The following SIPA1L2 variants were observed in gnomAD, a reference collection of about 807,000 sequenced individuals.
SIPA1L2 encodes signal-induced proliferation-associated 1-like protein 2.
In SIPA1L2, 56 loss-of-function variants were observed where a neutral mutation model predicts 163.9. The observed-to-expected ratio is 0.34, with a 90% CI of 0.28 to 0.43. The LOEUF is 0.43. Ranked by LOEUF, SIPA1L2 falls within the 20% of genes least tolerant of loss-of-function variation. SIPA1L2 has a pLI of 1.00. For synonymous variants in SIPA1L2, 877 were observed against 865.7 expected, an observed-to-expected ratio of 1.01 and a Z score of -0.23; for missense variants, 1,974 against 2,193.5, an observed-to-expected ratio of 0.90 and a Z score of 2.00.
At chr1:232,475,977 ACT>A (rs2102957849) in intron 7 of SIPA1L2, among the ~76,000 whole-genome samples, 1 of 152,272 alleles carries the variant, frequency 6.6e-6, no homozygotes, top group South Asian at 2.1e-4. Context: ...GAATAAAGCT[ACT>A]CATGGAAAGC....
At chr1:232,534,605 C>A (rs1657193125) in intron 2 of SIPA1L2, among the ~76,000 whole-genome samples, 1 of 152,186 alleles carries the variant, frequency 6.6e-6, no homozygotes, top group African/African-American at 2.4e-5. Flanking sequence ...AGTGAAAAGG[C>A]AGCCCATGGA....
chr1:232,535,077 T>G (rs932581697), intron 2 of SIPA1L2, among the ~76,000 whole-genome samples: 3 of 152,208 alleles, frequency 2.0e-5, no homozygotes, highest in Non-Finnish European at 2.9e-5. Flanking sequence ...CCTACAGTAA[T>G]GTACAAGATA....
chr1:232,614,187 G>GT (rs1260121718), intron 1 of SIPA1L2, among the ~76,000 whole-genome samples: 4 of 151,198 alleles, frequency 2.6e-5, no homozygotes, highest in Non-Finnish European at 5.9e-5. Context: ...GTGTAACAGC[G>GT]TAAGAAGAGA....
At chr1:232,597,892 A>G (rs544923728) in intron 1 of SIPA1L2, among the ~76,000 whole-genome samples, 1 of 152,078 alleles carries the variant, frequency 6.6e-6, no homozygotes, top group Non-Finnish European at 1.5e-5. Flanking sequence ...ACCCGAAAGA[A>G]CACTTCGAAA....
In SIPA1L2 at chr1:232,403,439, C is replaced by T; in HGVS notation, c.4940+9G>A. The T allele has an allele frequency of 6.2e-7, 1 of 1,611,528 alleles. No individual in the cohort carries two copies. Among genetic ancestry groups the T allele is most frequent in the Non-Finnish European group, 8.5e-7 (1 of 1,178,822 alleles). ...AGCAGGAGGGAGGGGTCCACAGGGG[C>T]TCACATACCCAGTTGTGTCCATGAA... is the stretch of plus-strand genomic sequence containing the variant. On this transcript the variant is annotated intron_variant, in intron 21 of 22. Transcript: ENST00000674635.
chr1:232,426,624 T>C (rs750152266), intron 17 of SIPA1L2, among the ~76,000 whole-genome samples: 2 of 152,000 alleles, frequency 1.3e-5, no homozygotes, highest in Non-Finnish European at 2.9e-5. Context: ...CGTGCCACTG[T>C]ACTCCAGCCT....
intron 2 of SIPA1L2, among the ~76,000 whole-genome samples, chr1:232,549,308 G>T (rs950483878): frequency 6.6e-6 from 1 of 152,126 alleles, no homozygotes; most frequent in Admixed American, 6.6e-5. Flanking sequence ...CTTAGGACTC[G>T]ACAGCAGATG....
intron 16 of SIPA1L2, among the ~76,000 whole-genome samples, chr1:232,431,044 G>C (rs936486682): frequency 1.3e-5 from 2 of 152,174 alleles, no homozygotes; most frequent in African/African-American, 2.4e-5. Context: ...CTGGGCTTTT[G>C]CATTAAAACT....
intron 1 of SIPA1L2, among the ~76,000 whole-genome samples, chr1:232,605,988 A>C (rs899384596): frequency 2.0e-5 from 3 of 152,130 alleles, no homozygotes; most frequent in African/African-American, 7.2e-5. Context: ...TGTCTCAGAC[A>C]CATGATGCTA....
At chr1:232,484,244 AG>A (rs1303275077) in intron 5 of SIPA1L2, among the ~76,000 whole-genome samples, 1 of 152,230 alleles carries the variant, frequency 6.6e-6, no homozygotes, top group Non-Finnish European at 1.5e-5. Flanking sequence ...CAAAAAGGAT[AG>A]GAAGTCAAGG....
At chr1:232,626,818 T>G (rs2102898707) in intron 1 of SIPA1L2, among the ~76,000 whole-genome samples, 1 of 152,276 alleles carries the variant, frequency 6.6e-6, no homozygotes, top group Non-Finnish European at 1.5e-5. Flanking sequence ...GTCTTAAACC[T>G]TAAAGAAACC....
At chr1:232,455,311 C>T (rs2102900946) in intron 10 of SIPA1L2, among the ~76,000 whole-genome samples, 1 of 152,228 alleles carries the variant, frequency 6.6e-6, no homozygotes, top group East Asian at 1.9e-4. Context: ...GAGACACACG[C>T]ACGCATATGT....
chr1:232,621,835 TC>T (rs893107297), intron 1 of SIPA1L2, among the ~76,000 whole-genome samples: 2 of 151,846 alleles, frequency 1.3e-5, no homozygotes, highest in African/African-American at 4.8e-5. Context: ...GCTCAAGGGA[TC>T]GGCCCTCCTC....
chr1:232,548,471 C>T (rs963880838), intron 2 of SIPA1L2, among the ~76,000 whole-genome samples: 1 of 152,176 alleles, frequency 6.6e-6, no homozygotes, highest in African/African-American at 2.4e-5. Context: ...TCCCACAATA[C>T]TTAGACTCAT....
Position 232,399,229 on chromosome 1 carries a change from C to G in SIPA1L2, c.5067G>C (p.Leu1689=). The G allele has an allele frequency of 6.2e-7, 1 of 1,613,754 alleles. No individual in the cohort carries two copies. The change falls in exon 23 of 23, where the codon CTG becomes CTC. Residue 1689 remains leucine, a synonymous_variant. Coordinates refer to ENST00000674635, the MANE Select transcript of SIPA1L2 (RefSeq NM_020808.5). The part of the protein sequence containing the change: ...KAVLQAEVQH[L]RQDNMRLQEE... ...CCTGCAGTCTCATGTTGTCCTGTCT[C>G]AGGTGCTGCACTTCTGCTTGGAGAA...
chr1:232,436,139 A>G (rs1662548302), intron 15 of SIPA1L2, among the ~76,000 whole-genome samples: 1 of 152,150 alleles, frequency 6.6e-6, no homozygotes, highest in Non-Finnish European at 1.5e-5. Context: ...GCACTGGTTT[A>G]TTAACTCCAT....
In SIPA1L2 at chr1:232,465,043, G is replaced by A; in HGVS notation, c.2617C>T (p.Leu873Phe). Residue 873 changes from leucine (L) to phenylalanine (F), a missense_variant, in exon 9 of 23, where the codon CTT becomes TTT. By Grantham distance (22) the Leu-to-Phe change is conservative. This residue lies in a region of SIPA1L2 where 1,079 missense variants were observed against 1,150.7 expected (regional missense o/e 0.94). Transcript: ENST00000674635. The surrounding 1 kb of genome is among the most constrained non-coding windows in gnomAD (Gnocchi z 4.1). ...DFGQSADIEC[L>F]LGISNEFIML... ...ATGAACTCATTGGAGATCCCGAGAA[G>A]ACATTCAATGTCAGCAGACTGGCCG... 3 of 1,614,170 alleles carry A rather than the reference G, an allele frequency of 1.9e-6. No individual in the cohort carries two copies. The highest frequency in any genetic ancestry group is 1.3e-5 in the African/African-American group (1 of 75,040).
chr1:232,565,279 G>A (rs750046412), intron 2 of SIPA1L2, among the ~76,000 whole-genome samples: 32 of 152,172 alleles, frequency 2.1e-4, no homozygotes, highest in Non-Finnish European at 3.5e-4. Flanking sequence ...CTAACTCTCC[G>A]ATTAAGGTTC....
intron 2 of SIPA1L2, among the ~76,000 whole-genome samples, chr1:232,530,295 T>C (rs1174858701): frequency 1.3e-5 from 2 of 152,068 alleles, no homozygotes; most frequent in Non-Finnish European, 2.9e-5. Context: ...TTTGTATTTT[T>C]AGTAAAGACA....
Sources: gnomAD v4.1 joint callset for allele counts (sites outside exome capture counted in the v4.1 genomes callset) on GRCh38, gnomAD v4.1.1 for gene constraint, gnomAD v4.1.1 regional missense constraint, Gnocchi (gnomAD v3.1) non-coding constraint, MANE v1.5 for transcripts, NCBI Gene and HGNC (gene_info 2026-07-23, HGNC 2026-07-21) for gene names.